Variants in DPYD observed in about 807,000 individuals in gnomAD.
DPYD encodes dihydropyrimidine dehydrogenase [NADP(+)].
A neutral mutation model predicts 116.2 loss-of-function variants in DPYD; 109 were observed. That is an observed-to-expected ratio of 0.94 (90% CI 0.80 to 1.10). The LOEUF is 1.10. Ranked by LOEUF, DPYD falls within the 50% of genes least tolerant of loss-of-function variation. The pLI is 0.00. For missense variants in DPYD, 1,302 were observed against 1,254.5 expected (o/e 1.04, Z -0.57); for synonymous variants, 440 against 432.0 (o/e 1.02, Z -0.23).
chr1:97,675,015 A>G (rs1192115463), intron 8 of DPYD, among the ~76,000 whole-genome samples: 1 of 152,206 alleles, frequency 6.6e-6, no homozygotes, highest in Admixed American at 6.5e-5. Context: ...TTTTATTTTA[A>G]TGCAGTGTGA....
chr1:97,290,935 C>T (rs1169520811), intron 18 of DPYD, among the ~76,000 whole-genome samples: 4 of 151,840 alleles, frequency 2.6e-5, no homozygotes, highest in African/African-American at 9.7e-5. Context: ...ACAACCTACT[C>T]ATCTGACAAA....
intron 16 of DPYD, among the ~76,000 whole-genome samples, chr1:97,371,942 T>C (rs1293862627): frequency 6.6e-6 from 1 of 152,196 alleles, no homozygotes; most frequent in Non-Finnish European, 1.5e-5. Flanking sequence ...GATTGCAAAG[T>C]TTTAGCATTT....
intron 20 of DPYD, among the ~76,000 whole-genome samples, chr1:97,168,743 G>A (rs1021527072): frequency 1.3e-5 from 2 of 151,886 alleles, no homozygotes; most frequent in South Asian, 4.2e-4. Context: ...GAAATTTTCA[G>A]AATTCACATT....
At chr1:97,103,571 A>G (rs1650913766) in intron 20 of DPYD, among the ~76,000 whole-genome samples, 1 of 152,176 alleles carries the variant, frequency 6.6e-6, no homozygotes, top group African/African-American at 2.4e-5. Context: ...GTAAGCTACA[A>G]CTTTTGATCA....
At chr1:97,728,848 A>G (rs1386832628) in intron 4 of DPYD, among the ~76,000 whole-genome samples, 1 of 152,104 alleles carries the variant, frequency 6.6e-6, no homozygotes, top group African/African-American at 2.4e-5. Context: ...ACCATCCCTC[A>G]ATGAACAACC....
At chr1:97,405,555 A>C (rs1570680179) in intron 14 of DPYD, among the ~76,000 whole-genome samples, 1 of 152,006 alleles carries the variant, frequency 6.6e-6, no homozygotes, top group South Asian at 2.1e-4. Context: ...TCACTCTGTT[A>C]CCTAGGCTGG....
At chr1:97,568,470 T>C (rs1012155844) in intron 11 of DPYD, among the ~76,000 whole-genome samples, 5 of 152,002 alleles carry the variant, frequency 3.3e-5, no homozygotes, top group African/African-American at 1.2e-4. Context: ...ATGAGGACCA[T>C]GAAGAACAGG....
Position 97,820,682 on chromosome 1 carries a change from C to T in DPYD, c.233+7432G>A, listed in dbSNP as rs544793883. 3.3e-5 allele frequency among the ~76,000 whole-genome samples: 5 copies of T among 152,066 alleles called. No homozygotes were observed. The East Asian group carries it at 5.8e-4, about 18-fold the overall frequency. On this transcript the variant is annotated intron_variant, in intron 3 of 22. Transcript: ENST00000370192. ...ATTCTTAACACGTGATAAAGCCAAG[C>T]GAAAAAGAATACATTTCAGAGACAT...
chr1:97,828,671 A>C (rs1379348599), intron 2 of DPYD, among the ~76,000 whole-genome samples: 5 of 136,252 alleles, frequency 3.7e-5, no homozygotes, highest in African/African-American at 1.3e-4. Flanking sequence ...GCACAGATAT[A>C]ATAATAAAAG....
chr1:97,177,493 G>A lies in DPYD; in HGVS notation c.2622+15576C>T, dbSNP rs555320562. On this transcript the variant is annotated intron_variant, in intron 20 of 22. Coordinates refer to ENST00000370192, the MANE Select transcript of DPYD (RefSeq NM_000110.4). ...CAGAAAAGCAAGTAAGAAACGAAGG[G>A]CAGTGAGTACGGATGACATTTTCTA... 4.6e-5 allele frequency among the ~76,000 whole-genome samples: 7 copies of A among 152,088 alleles called. No homozygotes were observed. In the South Asian group the frequency reaches 1.2e-3, roughly 27 times the overall value.
At chr1:97,620,669 C>T (rs1379931628) in intron 8 of DPYD, among the ~76,000 whole-genome samples, 1 of 152,090 alleles carries the variant, frequency 6.6e-6, no homozygotes, top group African/African-American at 2.4e-5. Context: ...TCCACATTTA[C>T]CTTTTATATT....
chr1:97,477,367 T>C (rs1678025141), intron 13 of DPYD, among the ~76,000 whole-genome samples: 1 of 152,198 alleles, frequency 6.6e-6, no homozygotes, highest in Non-Finnish European at 1.5e-5. Context: ...AGGCTTCACT[T>C]CTAATTCTAG....
chr1:97,756,617 G>C (rs754910605), intron 3 of DPYD, among the ~76,000 whole-genome samples: 1 of 151,768 alleles, frequency 6.6e-6, no homozygotes, highest in Non-Finnish European at 1.5e-5. Context: ...CTCCCTACTT[G>C]GTATTTTTTT....
chr1:97,405,355 A>G (rs973940427), intron 14 of DPYD, among the ~76,000 whole-genome samples: 10 of 151,936 alleles, frequency 6.6e-5, no homozygotes, highest in African/African-American at 2.4e-4. Context: ...TTCCATTAAC[A>G]TTTCTTGCAA....
rs1172490715 is a variant in DPYD, at chr1:97,134,005, AAAAAAAAAAATATATATAT to A, written c.2623-35392_2623-35374del. On this transcript the variant is annotated intron_variant, in intron 20 of 22. Transcript: ENST00000370192. ...CAGAGCCAGACTCTGTTTCAAAAAA[AAAAAAAAAAATATATATAT>A]ATATATATATATATATATATATATA... is the stretch of plus-strand genomic sequence containing the variant. Among the ~76,000 whole-genome samples, 60 of 34,016 alleles carry A rather than the reference AAAAAAAAAAATATATATAT, an allele frequency of 1.8e-3. 2 individuals carry two copies. Among genetic ancestry groups the A allele is most frequent in the Non-Finnish European group, 2.5e-3 (54 of 21,226 alleles). The allele number at this position is 34,016 out of a possible 152,430, so 22.3% of individuals were successfully genotyped here.
chr1:97,116,400 C>A (rs1651967998), intron 20 of DPYD, among the ~76,000 whole-genome samples: 1 of 152,082 alleles, frequency 6.6e-6, no homozygotes, highest in Non-Finnish European at 1.5e-5. Context: ...TGGTCATGCA[C>A]AGTGGCACAC....
chr1:97,233,493 G>C (rs1249180531), intron 19 of DPYD, among the ~76,000 whole-genome samples: 1 of 152,118 alleles, frequency 6.6e-6, no homozygotes, highest in Non-Finnish European at 1.5e-5. Flanking sequence ...GGACGTCTAA[G>C]ATCCCTACTT....
At chr1:97,243,689 T>C (rs1662528283) in intron 18 of DPYD, among the ~76,000 whole-genome samples, 1 of 151,846 alleles carries the variant, frequency 6.6e-6, no homozygotes. Flanking sequence ...TATAGAAAAA[T>C]AGACATTATA....
chr1:97,906,504 A>C (rs1673627836), intron 1 of DPYD, among the ~76,000 whole-genome samples: 1 of 152,084 alleles, frequency 6.6e-6, no homozygotes, highest in African/African-American at 2.4e-5. Context: ...ATAGTTCCCA[A>C]GATACAGCAA....
Sources: gnomAD v4.1 joint callset for allele counts (sites outside exome capture counted in the v4.1 genomes callset) on GRCh38, gnomAD v4.1.1 for gene constraint, MANE v1.5 for transcripts, NCBI Gene and HGNC (gene_info 2026-07-23, HGNC 2026-07-21) for gene names.